Variants in LOC128462377 observed in about 807,000 individuals in gnomAD.
chr16:89,323,914 T>A, the LOC128462377 span: 1 of 216,822 alleles, frequency 4.6e-6, no homozygotes, highest in African/African-American at 2.4e-5. Context: ...GCACCACACA[T>A]CGCGAGGTAG....
At chr16:89,348,884 A>AC in the LOC128462377 span, among the ~76,000 whole-genome samples, 2 of 151,276 alleles carry the variant, frequency 1.3e-5, no homozygotes, top group African/African-American at 4.8e-5. Context: ...AAAAAAAAAA[A>AC]AAAAACACCC....
chr16:89,392,575 C>T, the LOC128462377 span: 2 of 151,948 alleles, frequency 1.3e-5, no homozygotes, highest in Non-Finnish European at 2.9e-5. Flanking sequence ...AGTTCAAGAA[C>T]ATGGTCGTGA....
At chr16:89,409,156 T>C in the LOC128462377 span, among the ~76,000 whole-genome samples, 1 of 152,144 alleles carries the variant, frequency 6.6e-6, no homozygotes, top group East Asian at 1.9e-4. Context: ...AAACAGATTT[T>C]TTAGGTGAAG....
chr16:89,357,776 G>C, the LOC128462377 span, among the ~76,000 whole-genome samples: 1 of 152,236 alleles, frequency 6.6e-6, no homozygotes, highest in Admixed American at 6.5e-5. Flanking sequence ...TGAGGGAGGA[G>C]TCTGGGAGGA....
the LOC128462377 span, chr16:89,323,070 T>C: frequency 6.6e-6 from 2 of 303,326 alleles, no homozygotes; most frequent in African/African-American, 4.6e-5. Context: ...GTCTGAAGGA[T>C]GCTTTACGGC....
At chr16:89,328,305 T>C in the LOC128462377 span, among the ~76,000 whole-genome samples, 6 of 152,216 alleles carry the variant, frequency 3.9e-5, no homozygotes, top group Admixed American at 6.5e-5. Context: ...CGAACCTAAG[T>C]GTGCGCTTGC....
the LOC128462377 span, among the ~76,000 whole-genome samples, chr16:89,401,612 G>A: frequency 6.6e-6 from 1 of 152,102 alleles, no homozygotes; most frequent in Non-Finnish European, 1.5e-5. Context: ...GAGTTGAAAT[G>A]TGTCCCCCAA....
the LOC128462377 span, among the ~76,000 whole-genome samples, chr16:89,328,521 T>C: frequency 8.5e-5 from 13 of 152,342 alleles, no homozygotes; most frequent in East Asian, 2.5e-3. Flanking sequence ...GGGATGGCTA[T>C]GGATACACCC....
At chr16:89,401,492 G>C in the LOC128462377 span, among the ~76,000 whole-genome samples, 1 of 152,138 alleles carries the variant, frequency 6.6e-6, no homozygotes, top group Non-Finnish European at 1.5e-5. Flanking sequence ...TCCTTATTTT[G>C]TAAAAAGTAC....
chr16:89,370,579 C>G, the LOC128462377 span: 2 of 152,416 alleles, frequency 1.3e-5, no homozygotes, highest in African/African-American at 2.4e-5. Context: ...CAGGGCCTTC[C>G]AGGCAGCTCA....
At chr16:89,397,824 C>T in the LOC128462377 span, among the ~76,000 whole-genome samples, 3 of 152,200 alleles carry the variant, frequency 2.0e-5, no homozygotes, top group Non-Finnish European at 4.4e-5. Flanking sequence ...GGACAAGCGG[C>T]CCGTGCCACG....
At chr16:89,366,129 C>CAAAAAAAAAAAA in the LOC128462377 span, among the ~76,000 whole-genome samples, 1 of 60,458 alleles carries the variant, frequency 1.7e-5, no homozygotes, top group African/African-American at 6.2e-5. Flanking sequence ...GACTCCATCT[C>CAAAAAAAAAAAA]AAAAAAAAAA....
chr16:89,363,883 C>T, the LOC128462377 span, among the ~76,000 whole-genome samples: 1 of 151,926 alleles, frequency 6.6e-6, no homozygotes, highest in African/African-American at 2.4e-5. Flanking sequence ...TGGCAAAACC[C>T]TGTCTCTACA....
chr16:89,340,610 A>G, the LOC128462377 span, among the ~76,000 whole-genome samples: 1 of 152,270 alleles, frequency 6.6e-6, no homozygotes, highest in Admixed American at 6.5e-5. Context: ...TCTTGGTTAG[A>G]CAAGGGGAAA....
the LOC128462377 span, among the ~76,000 whole-genome samples, chr16:89,409,762 ATTTC>A: frequency 1.1e-4 from 16 of 152,294 alleles, no homozygotes; most frequent in East Asian, 2.1e-3. Context: ...ATTTTATAGG[ATTTC>A]TTTAACAAAA....
chr16:89,352,991 T>C, the LOC128462377 span, among the ~76,000 whole-genome samples: 2 of 152,220 alleles, frequency 1.3e-5, no homozygotes, highest in African/African-American at 4.8e-5. Flanking sequence ...ACCTTGAATA[T>C]ATTAACTTTA....
At chr16:89,394,925 G>A in the LOC128462377 span, among the ~76,000 whole-genome samples, 7 of 152,320 alleles carry the variant, frequency 4.6e-5, no homozygotes, top group South Asian at 1.4e-3. Flanking sequence ...CAATTCAGAG[G>A]CGACAGTTTT....
chr16:89,353,267 A>G, the LOC128462377 span, among the ~76,000 whole-genome samples: 4 of 151,686 alleles, frequency 2.6e-5, no homozygotes, highest in Admixed American at 6.6e-5. Context: ...GCTTCAACTC[A>G]GGAGGCGGAG....
chr16:89,393,709 G>C, the LOC128462377 span, among the ~76,000 whole-genome samples: 6 of 151,968 alleles, frequency 3.9e-5, no homozygotes, highest in Admixed American at 6.6e-5. Flanking sequence ...AGGGGAAGCA[G>C]CCGGGCCGAT....
Sources: gnomAD v4.1 joint callset for allele counts (sites outside exome capture counted in the v4.1 genomes callset) on GRCh38, gnomAD v4.1.1 for gene constraint, MANE v1.5 for transcripts.